AP1M1: variants seen among roughly 807,000 people sequenced by gnomAD.
AP1M1 encodes the protein adaptor related protein complex 1 subunit mu 1.
In AP1M1, 18 loss-of-function variants were observed where a neutral mutation model predicts 57.1. The ratio of observed to expected loss-of-function variants is 0.32; its 90% confidence interval spans 0.22 to 0.47. The LOEUF (loss-of-function observed/expected upper bound fraction) is 0.47. AP1M1 is among the 20% of genes least tolerant of loss of function. AP1M1 has a pLI of 1.00. For missense variants in AP1M1, 362 were observed against 593.5 expected, an observed-to-expected ratio of 0.61 and a Z score of 4.05; for synonymous variants, 241 against 237.9, an observed-to-expected ratio of 1.01 and a Z score of -0.12.
rs2091659174 is a variant in AP1M1, at chr19:16,245,067, TG to T, written c.*10633del. The T allele has an allele frequency of 6.7e-6, 1 of 150,032 alleles. No individual in the cohort carries two copies. Among genetic ancestry groups the T allele is most frequent in the Non-Finnish European group, 1.5e-5 (1 of 67,496 alleles). 9.3% of individuals were successfully genotyped at this position (150,032 alleles called of 1,614,324 possible). A position where few individuals can be genotyped will look rare whatever the true frequency, so the allele number is the denominator to read the frequency against. On this transcript the variant is annotated 3_prime_UTR_variant, in exon 12 of 12. Coordinates refer to ENST00000291439, the MANE Select transcript of AP1M1 (RefSeq NM_032493.4). ...ATGCGCCACCAGGCCTGCCTAACTT[TG>T]TATTTTTGGTAGAGGCGGGGTTTCT...
rs892827479 is a variant in AP1M1 at position 16,236,938 on chromosome 19, T to C, written c.*2503T>C. ...ATTATCGGCATGTAAACAAATACAC[T>C]ATGCAGTCAATCTGTTGCAAGTGCC... On this transcript the variant is annotated 3_prime_UTR_variant, in exon 12 of 12. Coordinates refer to ENST00000291439, the MANE Select transcript of AP1M1 (RefSeq NM_032493.4). The C allele has an allele frequency of 2.6e-5, 4 of 152,218 alleles. No homozygotes were observed. Among genetic ancestry groups the C allele is most frequent in the Non-Finnish European group, 5.9e-5 (4 of 68,042 alleles). 9.4% of individuals were successfully genotyped at this position (152,218 alleles called of 1,614,324 possible).
intron 5 of AP1M1, among the ~76,000 whole-genome samples, chr19:16,214,875 A>C (rs2091510923): frequency 6.6e-6 from 1 of 151,538 alleles, no homozygotes. Context: ...CAGCCTACCA[A>C]TTGGCTGGGA....
In AP1M1 at chr19:16,228,287, T is replaced by C. The variant is rs977856851; in HGVS notation, c.888+79T>C. On this transcript the variant is annotated intron_variant, in intron 8 of 11. Transcript: ENST00000291439. The surrounding 1 kb of genome is among the most constrained non-coding windows in gnomAD (Gnocchi z 5.0). ...CAGGAGCCTAACCGAGGGCTGGGGG[T>C]GCCGTAGGGCTGCCATCCGTGCACC... is the stretch of plus-strand genomic sequence containing the variant. The C allele has an allele frequency of 4.7e-5, 69 of 1,458,552 alleles. No individual in the cohort carries two copies. Among genetic ancestry groups the C allele is most frequent in the Non-Finnish European group, 6.2e-5 (66 of 1,058,430 alleles). 90.4% of individuals were successfully genotyped at this position (1,458,552 alleles called of 1,614,324 possible).
At chr19:16,210,196 A>G (rs1235943895) in intron 5 of AP1M1, among the ~76,000 whole-genome samples, 4 of 152,252 alleles carry the variant, frequency 2.6e-5, no homozygotes, top group African/African-American at 9.6e-5. Flanking sequence ...ATTGTTTTGC[A>G]TATCAAAAGT....
intron 1 of AP1M1, among the ~76,000 whole-genome samples, chr19:16,202,155 G>A (rs562900959): frequency 6.6e-6 from 1 of 152,246 alleles, no homozygotes; most frequent in African/African-American, 2.4e-5. Context: ...GTGCCACCCC[G>A]CACCACCCCC....
At position 16,241,481 on chromosome 19, in the gene AP1M1, G is replaced by A. The variant is rs1337919897; in HGVS notation, c.*7046G>A. The A allele has an allele frequency of 4.6e-5, 7 of 152,236 alleles. No homozygotes were observed. In the East Asian group the frequency reaches 1.4e-3, roughly 29 times the overall value. The allele number at this position is 152,236 out of a possible 1,614,324, so 9.4% of individuals were successfully genotyped here. On this transcript the variant is annotated 3_prime_UTR_variant, in exon 12 of 12. Coordinates refer to ENST00000291439, the MANE Select transcript of AP1M1 (RefSeq NM_032493.4). ...GACTGTGTAAAGCAATAATAACAGTGACTAACGTATAGAGTAGCGACAAAA... is the reference window on the plus strand; with the variant it reads ...GACTGTGTAAAGCAATAATAACAGTAACTAACGTATAGAGTAGCGACAAAA...
In AP1M1 at chr19:16,198,009, A is replaced by ACCGCCCTCGGCCGCTGCCGT; in HGVS notation, c.-18_-17insCCGCCCTCGGCCGCTGCCGT. The ACCGCCCTCGGCCGCTGCCGT allele has an allele frequency of 1.5e-6, 2 of 1,311,676 alleles. No homozygotes were observed. Among genetic ancestry groups the ACCGCCCTCGGCCGCTGCCGT allele is most frequent in the Non-Finnish European group, 2.0e-6 (2 of 1,016,156 alleles). The allele number at this position is 1,311,676 out of a possible 1,614,324, so 81.3% of individuals were successfully genotyped here. On this transcript the variant is annotated 5_prime_UTR_variant, in exon 1 of 12. Transcript: ENST00000291439. ...CCGCCACCGCCCTCGGCCGCTGCCGAGGCCTCCTGCAGCCATCATGTCCGC... is the reference window on the plus strand; with the variant it reads ...CCGCCACCGCCCTCGGCCGCTGCCGACCGCCCTCGGCCGCTGCCGTGGCCTCCTGCAGCCATCATGTCCGC...
chr19:16,198,971 C>T (rs2091436456), intron 1 of AP1M1, among the ~76,000 whole-genome samples: 3 of 152,116 alleles, frequency 2.0e-5, no homozygotes, highest in African/African-American at 7.2e-5. Context: ...CTACGCCGAG[C>T]TAAATTTTGT....
rs944243023 is a variant in AP1M1 at position 16,233,344 on chromosome 19, C to T, written c.1048-149C>T. On this transcript the variant is annotated intron_variant, in intron 9 of 11. Coordinates refer to ENST00000291439, the MANE Select transcript of AP1M1 (RefSeq NM_032493.4). ...TTACCAGCCTGGGGCAGCACAGGGC[C>T]GAGCTTTGGCTCCCCAGCACAGGGG... is the stretch of plus-strand genomic sequence containing the variant. The T allele has an allele frequency of 1.0e-4, 126 of 1,242,242 alleles. 1 individual carries two copies. The highest frequency in any genetic ancestry group is 1.3e-4 in the Non-Finnish European group (121 of 932,960). The allele number at this position is 1,242,242 out of a possible 1,614,324, so 77.0% of individuals were successfully genotyped here.
chr19:16,226,314 G>A, intron 5 of AP1M1, 107 bp from the exon 6 acceptor site: 1 of 1,417,546 alleles, frequency 7.1e-7, no homozygotes, highest in Non-Finnish European at 9.4e-7. Context: ...GGGCTTGGAG[G>A]TGAGAAGGGC....
intron 9 of AP1M1, among the ~76,000 whole-genome samples, chr19:16,233,146 A>G (rs2279062): frequency 0.66 from 100,152 of 152,160 alleles, 35,211 homozygotes; most frequent in Non-Finnish European, 0.8. Context: ...CGGTCTGTCT[A>G]GTTCACCAGC....
chr19:16,237,916 A>G lies in AP1M1; in HGVS notation c.*3481A>G, dbSNP rs1188970221. On this transcript the variant is annotated 3_prime_UTR_variant, in exon 12 of 12. Coordinates refer to ENST00000291439, the MANE Select transcript of AP1M1 (RefSeq NM_032493.4). ...GAGTGCAGTGGCGTGATCACGGCTC[A>G]CTGCAGCCTCGAGCTGCCAGGCTCA... The G allele has an allele frequency of 6.6e-6, 1 of 151,790 alleles. No homozygotes were observed. Among genetic ancestry groups the G allele is most frequent in the African/African-American group, 2.4e-5 (1 of 41,306 alleles). 9.4% of individuals were successfully genotyped at this position (151,790 alleles called of 1,614,324 possible). A position where few individuals can be genotyped will look rare whatever the true frequency, so the allele number is the denominator to read the frequency against.
chr19:16,197,976 C>CGCTGCCGCCGCCACCGCCCTCGGCA lies in AP1M1; in HGVS notation c.-27_-26insAGCTGCCGCCGCCACCGCCCTCGGC. ...CTCAACGCCCAGCAGTCCCCACCGT[C>CGCTGCCGCCGCCACCGCCCTCGGCA]GCTGCCGCCGCCACCGCCCTCGGCC... is the stretch of plus-strand genomic sequence containing the variant. On this transcript the variant is annotated 5_prime_UTR_variant, in exon 1 of 12. Transcript: ENST00000291439. 1 of 1,463,672 alleles carries CGCTGCCGCCGCCACCGCCCTCGGCA rather than the reference C, an allele frequency of 6.8e-7. No individual in the cohort carries two copies. Among genetic ancestry groups the CGCTGCCGCCGCCACCGCCCTCGGCA allele is most frequent in the Non-Finnish European group, 9.0e-7 (1 of 1,115,950 alleles). 90.7% of individuals were successfully genotyped at this position (1,463,672 alleles called of 1,614,324 possible).
Position 16,203,713 on chromosome 19 carries a change from C to T in AP1M1, c.199+98C>T, listed in dbSNP as rs1024694948. 2.2e-5 allele frequency: 29 copies of T among 1,342,374 alleles called. No homozygotes were observed. The highest frequency in any genetic ancestry group is 2.8e-5 in the South Asian group (2 of 71,600). The allele number at this position is 1,342,374 out of a possible 1,614,324, so 83.2% of individuals were successfully genotyped here. ...GCAAGCAGGGCTGGTTTGTGCACAG[C>T]GCAAGCATTGGACACAGCCATGCCC... On this transcript the variant is annotated intron_variant, in intron 2 of 11. Transcript: ENST00000291439. The surrounding 1 kb of genome is among the most constrained non-coding windows in gnomAD (Gnocchi z 4.6).
At position 16,238,647 on chromosome 19, in the gene AP1M1, T is replaced by G. The variant is rs1343919861; in HGVS notation, c.*4212T>G. 6.6e-6 allele frequency: 1 copy of G among 151,888 alleles called. No individual in the cohort carries two copies. Among genetic ancestry groups the G allele is most frequent in the Non-Finnish European group, 1.5e-5 (1 of 67,996 alleles). 9.4% of individuals were successfully genotyped at this position (151,888 alleles called of 1,614,324 possible). A position where few individuals can be genotyped will look rare whatever the true frequency, so the allele number is the denominator to read the frequency against. On this transcript the variant is annotated 3_prime_UTR_variant, in exon 12 of 12. Coordinates refer to ENST00000291439, the MANE Select transcript of AP1M1 (RefSeq NM_032493.4). ...GGCAAAAACAGGAAGGGGGTATGAC[T>G]GGGGCCTCTGCTGTGTTGGCAATTT...
At chr19:16,202,088 C>T (rs2091450861) in intron 1 of AP1M1, among the ~76,000 whole-genome samples, 1 of 152,214 alleles carries the variant, frequency 6.6e-6, no homozygotes, top group Non-Finnish European at 1.5e-5. Flanking sequence ...AACACGTCAT[C>T]ACCTGCCTCC....
chr19:16,209,271 C>T (rs1488576262), intron 5 of AP1M1, 94 bp downstream of exon 5: 9 of 1,420,602 alleles, frequency 6.3e-6, no homozygotes, highest in South Asian at 5.1e-5. Flanking sequence ...CCCCGAGAGC[C>T]GTTCTGTGTG....
rs554223968 is a variant in AP1M1, at chr19:16,207,953, T to G, written c.268-66T>G. On this transcript the variant is annotated intron_variant, in intron 3 of 11. Transcript: ENST00000291439. This position sits in a 1 kb window ranked among gnomAD's most constrained non-coding sequence, Gnocchi z 4.2. ...GCAAATGAATGTGTGCAAGCGTTCA[T>G]TCATTCCTCATCCGTCCGCTCAATG... The G allele has an allele frequency of 7.9e-5, 123 of 1,553,800 alleles. No individual in the cohort carries two copies. The African/African-American group carries it at 1.5e-3, about 19-fold the overall frequency.
At chr19:16,225,820 C>T (rs1044055348) in intron 5 of AP1M1, among the ~76,000 whole-genome samples, 72 of 152,130 alleles carry the variant, frequency 4.7e-4, no homozygotes, top group Non-Finnish European at 1.0e-4. Flanking sequence ...CACCATCTCT[C>T]ATAAGCCCTG....
Sources: allele counts gnomAD v4.1 joint callset (sites outside exome capture counted in the v4.1 genomes callset), GRCh38; gene constraint gnomAD v4.1.1; non-coding constraint Gnocchi (gnomAD v3.1); transcripts MANE v1.5; gene names NCBI Gene and HGNC (gene_info 2026-07-23, HGNC 2026-07-21).